The following CALCR variants were observed in gnomAD, a reference collection of about 807,000 sequenced individuals.
CALCR encodes calcitonin receptor.
Under a neutral mutation model 59.5 loss-of-function variants are expected in CALCR, and 47 were observed. That is an observed-to-expected ratio of 0.79 (90% CI 0.63 to 1.01). The LOEUF is 1.01. CALCR is among the 50% of genes least tolerant of loss of function. CALCR has a pLI of 0.00. For missense variants in CALCR, 566 were observed against 597.1 expected, an observed-to-expected ratio of 0.95 and a Z score of 0.54; for synonymous variants, 213 against 211.3, an observed-to-expected ratio of 1.01 and a Z score of -0.07.
intron 13 of CALCR, among the ~76,000 whole-genome samples, chr7:93,433,200 T>C (rs1490528087): frequency 6.6e-6 from 1 of 152,160 alleles, no homozygotes; most frequent in Non-Finnish European, 1.5e-5. Flanking sequence ...TTATTTAACT[T>C]AGTAAAAAGA....
chr7:93,568,539 CTCTCTCTCTCTCTCTCTG>C (rs1321016322), intron 2 of CALCR, among the ~76,000 whole-genome samples: 3 of 150,678 alleles, frequency 2.0e-5, no homozygotes, highest in African/African-American at 4.9e-5. Context: ...CTCTCTCTCT[CTCTCTCTCTCTCTCTCTG>C]TCTCTCTCCT....
At chr7:93,506,257 A>G (rs1051325447) in intron 2 of CALCR, among the ~76,000 whole-genome samples, 1 of 152,170 alleles carries the variant, frequency 6.6e-6, no homozygotes, top group Non-Finnish European at 1.5e-5. Flanking sequence ...TCTGATGCAG[A>G]TGGGATTGGC....
chr7:93,534,900 T>C (rs894221149), intron 2 of CALCR, among the ~76,000 whole-genome samples: 2 of 151,746 alleles, frequency 1.3e-5, no homozygotes, highest in African/African-American at 4.8e-5. Context: ...TGAGTTATAC[T>C]AGGTGTTTTA....
chr7:93,450,614 G>C (rs1170838373), intron 8 of CALCR, among the ~76,000 whole-genome samples: 1 of 151,944 alleles, frequency 6.6e-6, no homozygotes, highest in African/African-American at 2.4e-5. Flanking sequence ...CCTGGAAAGG[G>C]ATAAAACCAA....
chr7:93,455,386 AT>A (rs1051460134), intron 8 of CALCR, among the ~76,000 whole-genome samples: 55 of 150,802 alleles, frequency 3.6e-4, no homozygotes, highest in Admixed American at 2.0e-3. Context: ...CTTTCCCCAA[AT>A]TTTTTTTTGG....
chr7:93,561,246 T>C (rs902796072), intron 2 of CALCR, among the ~76,000 whole-genome samples: 1 of 152,190 alleles, frequency 6.6e-6, no homozygotes, highest in Non-Finnish European at 1.5e-5. Context: ...GTTTTGTATC[T>C]GAACAGTGCT....
intron 9 of CALCR, among the ~76,000 whole-genome samples, chr7:93,442,445 T>C (rs1210205293): frequency 6.6e-6 from 1 of 152,172 alleles, no homozygotes; most frequent in African/African-American, 2.4e-5. Context: ...GAAACCAGTA[T>C]GGCATAACAC....
At chr7:93,527,345 A>G (rs17795306) in intron 2 of CALCR, among the ~76,000 whole-genome samples, 42,465 of 151,654 alleles carry the variant, frequency 0.28, 7,080 homozygotes, top group Non-Finnish European at 0.38. Context: ...TATGTTATTC[A>G]CTGAAAAGCA....
chr7:93,521,801 TTAAA>T (rs1801769843), intron 2 of CALCR, among the ~76,000 whole-genome samples: 1 of 152,194 alleles, frequency 6.6e-6, no homozygotes, highest in Non-Finnish European at 1.5e-5. Context: ...AAATACTTTA[TTAAA>T]TAATTCAAAT....
At chr7:93,502,078 G>T (rs1227677928) in intron 2 of CALCR, among the ~76,000 whole-genome samples, 2 of 152,092 alleles carry the variant, frequency 1.3e-5, no homozygotes, top group African/African-American at 4.8e-5. Flanking sequence ...ATATATGGTA[G>T]TCTTTGGCCA....
chr7:93,549,104 T>G (rs911169585), intron 2 of CALCR, among the ~76,000 whole-genome samples: 18 of 152,148 alleles, frequency 1.2e-4, no homozygotes, highest in African/African-American at 4.3e-4. Context: ...AATTGTTACA[T>G]TTCTGCCAAT....
chr7:93,519,822 C>T (rs1280399352), intron 2 of CALCR, among the ~76,000 whole-genome samples: 1 of 151,948 alleles, frequency 6.6e-6, no homozygotes, highest in Non-Finnish European at 1.5e-5. Context: ...TCTGCTCGCT[C>T]ACTCTTCTCT....
At chr7:93,463,380 G>A (rs1401088531) in intron 7 of CALCR, among the ~76,000 whole-genome samples, 1 of 151,810 alleles carries the variant, frequency 6.6e-6, no homozygotes, top group Non-Finnish European at 1.5e-5. Flanking sequence ...GCCTCCAAAG[G>A]AGAAGTATGA....
chr7:93,431,895 T>C (rs909954984), intron 13 of CALCR, among the ~76,000 whole-genome samples: 25 of 152,196 alleles, frequency 1.6e-4, no homozygotes, highest in Non-Finnish European at 1.8e-4. Flanking sequence ...GGAAACAAAT[T>C]GTGCATTTTT....
chr7:93,535,461 A>T (rs1245420246), intron 2 of CALCR, among the ~76,000 whole-genome samples: 1 of 151,718 alleles, frequency 6.6e-6, no homozygotes, highest in Non-Finnish European at 1.5e-5. Context: ...CACACCTTTC[A>T]CGAGTAAGTA....
At position 93,507,184 on chromosome 7, in the gene CALCR, G is replaced by A. The variant is rs186992171; in HGVS notation, c.-26-20177C>T. 4.6e-5 allele frequency among the ~76,000 whole-genome samples: 7 copies of A among 152,182 alleles called. No homozygotes were observed. The East Asian group carries it at 1.2e-3, about 25-fold the overall frequency. ...AGAATTAATTTAGGGTCAGTGAAGA[G>A]TAAGCAGCCTTAATGTAACAAGGAG... On this transcript the variant is annotated intron_variant, in intron 2 of 13. Transcript: ENST00000426151.
At chr7:93,573,813 T>C (rs897734297) in intron 2 of CALCR, among the ~76,000 whole-genome samples, 8 of 152,238 alleles carry the variant, frequency 5.3e-5, no homozygotes, top group African/African-American at 1.7e-4. Flanking sequence ...AACTATTCTC[T>C]GTAAAACATG....
At chr7:93,522,340 A>G (rs1361455922) in intron 2 of CALCR, among the ~76,000 whole-genome samples, 1 of 152,158 alleles carries the variant, frequency 6.6e-6, no homozygotes, top group Non-Finnish European at 1.5e-5. Context: ...TGAATTGAAT[A>G]TTATGTGATT....
intron 8 of CALCR, among the ~76,000 whole-genome samples, chr7:93,460,599 A>G (rs547423104): frequency 2.2e-5 from 3 of 136,108 alleles, no homozygotes; most frequent in Non-Finnish European, 3.1e-5. Context: ...ATATGTATAT[A>G]TATATATATA....
Sources: gnomAD v4.1 joint callset for allele counts (sites outside exome capture counted in the v4.1 genomes callset) on GRCh38, gnomAD v4.1.1 for gene constraint, MANE v1.5 for transcripts, NCBI Gene and HGNC (gene_info 2026-07-23, HGNC 2026-07-21) for gene names.